Variants in C8B observed in about 807,000 individuals in gnomAD.
The protein encoded by C8B is complement C8 beta chain.
C8B carries 67 observed loss-of-function variants against 64.6 expected under a neutral mutation model. That is an observed-to-expected ratio of 1.04 (90% confidence interval 0.85 to 1.27). C8B has a LOEUF of 1.27. Among genes scored for constraint, C8B ranks in the 50% most tolerant of loss-of-function variants. The pLI is 0.00. For synonymous variants in C8B, 284 were observed against 257.7 expected (o/e 1.10, Z -0.98); for missense variants, 790 against 725.2 (o/e 1.09, Z -1.03).
intron 9 of C8B, among the ~76,000 whole-genome samples, chr1:56,935,257 A>G (rs1268465319): frequency 6.6e-6 from 1 of 152,204 alleles, no homozygotes; most frequent in Non-Finnish European, 1.5e-5. Context: ...CTTGCAGCTT[A>G]ACAGCAACTC....
intron 2 of C8B, among the ~76,000 whole-genome samples, chr1:56,957,469 C>T (rs1175887543): frequency 6.6e-6 from 1 of 152,120 alleles, no homozygotes. Context: ...TCAATTTACC[C>T]ATCTGTAAAA....
At chr1:56,965,700 A>G (rs1321190284) in intron 1 of C8B, among the ~76,000 whole-genome samples, 157 bp downstream of exon 1, 2 of 152,156 alleles carry the variant, frequency 1.3e-5, no homozygotes, top group Non-Finnish European at 2.9e-5. Flanking sequence ...CAATAATTTG[A>G]AAAGAGTTGT....
intron 9 of C8B, among the ~76,000 whole-genome samples, chr1:56,935,743 A>T (rs1358278500): frequency 1.3e-5 from 2 of 152,222 alleles, no homozygotes; most frequent in Admixed American, 1.3e-4. Flanking sequence ...CATTAAGTAG[A>T]TTGACGAAAG....
chr1:56,959,145 T>C lies in C8B; in HGVS notation c.249+875A>G, dbSNP rs182398566. Among the ~76,000 whole-genome samples the C allele has an allele frequency of 5.3e-3, 808 of 152,346 alleles. 6 individuals carry two copies. Among genetic ancestry groups the C allele is most frequent in the Non-Finnish European group, 7.0e-3 (477 of 68,036 alleles). Reference sequence around the variant, plus strand: ...CATTTATCTGCTCTGATTTCCTGTTTATCTGTCTGTTTAACAGAAAGTGTA... The same window carrying C: ...CATTTATCTGCTCTGATTTCCTGTTCATCTGTCTGTTTAACAGAAAGTGTA... On this transcript the variant is annotated intron_variant, in intron 2 of 11. Coordinates refer to ENST00000371237, the MANE Select transcript of C8B (RefSeq NM_000066.4).
chr1:56,946,168 A>C, intron 6 of C8B, 107 bp from the exon 7 acceptor site: 2 of 1,293,230 alleles, frequency 1.5e-6, no homozygotes, highest in South Asian at 1.2e-5. Flanking sequence ...TGGGGTCATC[A>C]CTCTTATGAT....
At chr1:56,936,432 C>T (rs1279314919) in intron 9 of C8B, among the ~76,000 whole-genome samples, 3 of 151,510 alleles carry the variant, frequency 2.0e-5, no homozygotes, top group Non-Finnish European at 4.4e-5. Context: ...TATAAACCAA[C>T]TGAGAAGTGT....
intron 6 of C8B, among the ~76,000 whole-genome samples, chr1:56,946,883 A>G (rs1392818459): frequency 2.0e-5 from 3 of 152,200 alleles, no homozygotes; most frequent in Non-Finnish European, 4.4e-5. Flanking sequence ...CAGTTCTACA[A>G]AGCCATGCCA....
chr1:56,929,368 G>T lies in C8B; in HGVS notation c.*36C>A, dbSNP rs1425569260. On this transcript the variant is annotated 3_prime_UTR_variant, in exon 12 of 12. Coordinates refer to ENST00000371237, the MANE Select transcript of C8B (RefSeq NM_000066.4). ...TGGCATGAGTTCTTGAGGGCTCAGG[G>T]CTCTCATTGTATGTAGCCCACTGCT... The T allele has an allele frequency of 1.2e-6, 2 of 1,610,448 alleles. No individual in the cohort carries two copies. Among genetic ancestry groups the T allele is most frequent in the South Asian group, 2.2e-5 (2 of 90,962 alleles).
chr1:56,956,355 GC>G (rs1195885942), intron 3 of C8B, among the ~76,000 whole-genome samples: 1 of 152,172 alleles, frequency 6.6e-6, no homozygotes, highest in Non-Finnish European at 1.5e-5. Flanking sequence ...AGTTGAGGGA[GC>G]CAAAATGCAG....
At chr1:56,931,341 A>T (rs2101349709) in intron 11 of C8B, among the ~76,000 whole-genome samples, 1 of 152,282 alleles carries the variant, frequency 6.6e-6, no homozygotes, top group Admixed American at 6.5e-5. Flanking sequence ...GATGCAGGGG[A>T]GTTAGATAGA....
At chr1:56,939,342 G>A (rs980856180) in intron 9 of C8B, among the ~76,000 whole-genome samples, 2 of 152,212 alleles carry the variant, frequency 1.3e-5, no homozygotes, top group African/African-American at 4.8e-5. Context: ...TGTACCCTAA[G>A]TGCCACTGTT....
chr1:56,934,246 C>A (rs141375773), intron 9 of C8B, among the ~76,000 whole-genome samples: 2 of 151,882 alleles, frequency 1.3e-5, no homozygotes, highest in East Asian at 3.9e-4. Flanking sequence ...AGGGTCCAGC[C>A]CCCAGCTAAG....
chr1:56,958,595 GC>G (rs144398328), intron 2 of C8B, among the ~76,000 whole-genome samples: 3,716 of 152,244 alleles, frequency 0.024, 141 homozygotes, highest in African/African-American at 0.085. Context: ...GACTTGAGAG[GC>G]TTTGCTGAGC....
At chr1:56,956,708 G>T in intron 3 of C8B, 61 bp downstream of exon 3, 2 of 1,587,872 alleles carry the variant, frequency 1.3e-6, no homozygotes. Context: ...CTGTCCCTTG[G>T]TCATCAAGAA....
At chr1:56,943,109 A>G (rs893704813) in intron 8 of C8B, among the ~76,000 whole-genome samples, 1 of 151,838 alleles carries the variant, frequency 6.6e-6, no homozygotes. Flanking sequence ...AATAAATAAA[A>G]AAAAGCTGGG....
At chr1:56,937,297 C>T (rs960632855) in intron 9 of C8B, among the ~76,000 whole-genome samples, 9 of 152,194 alleles carry the variant, frequency 5.9e-5, no homozygotes, top group African/African-American at 1.2e-4. Context: ...CACGACAAGA[C>T]GCAGCCCCCA....
In C8B at chr1:56,946,795, T is replaced by C. The variant is rs115654999; in HGVS notation, c.865-734A>G. On this transcript the variant is annotated intron_variant, in intron 6 of 11. Transcript: ENST00000371237. Reference sequence around the variant, plus strand: ...AGTACAACCCTAGGTGAGCATTCCCTATAGTGCTGTATAGGCAGAGAAAAA... The same window carrying C: ...AGTACAACCCTAGGTGAGCATTCCCCATAGTGCTGTATAGGCAGAGAAAAA... Among the ~76,000 whole-genome samples, 936 of 152,344 alleles carry C rather than the reference T, an allele frequency of 6.1e-3. 10 individuals carry two copies. The highest frequency in any genetic ancestry group is 0.019 in the African/African-American group (794 of 41,576).
intron 6 of C8B, among the ~76,000 whole-genome samples, chr1:56,947,210 A>G (rs541919937): frequency 2.1e-4 from 32 of 152,332 alleles, no homozygotes; most frequent in Non-Finnish European, 4.3e-4. Context: ...AAAACCTTGC[A>G]TGGCTTGCTG....
At chr1:56,953,985 T>C (rs542351971) in intron 4 of C8B, among the ~76,000 whole-genome samples, 30 of 152,190 alleles carry the variant, frequency 2.0e-4, no homozygotes, top group Non-Finnish European at 3.8e-4. Context: ...ATGGGTTTTT[T>C]TAGAAAGAAG....
Sources: gnomAD v4.1 joint callset for allele counts (sites outside exome capture counted in the v4.1 genomes callset) on GRCh38, gnomAD v4.1.1 for gene constraint, MANE v1.5 for transcripts, NCBI Gene and HGNC (gene_info 2026-07-23, HGNC 2026-07-21) for gene names.